UNC13C: variants seen among roughly 807,000 people sequenced by gnomAD.
UNC13C encodes the protein protein unc-13 homolog C.
UNC13C carries 174 observed loss-of-function variants against 245.4 expected under a neutral mutation model. That is an observed-to-expected ratio of 0.71 (90% CI 0.63 to 0.80). UNC13C has a LOEUF of 0.80. UNC13C is among the 30% of genes least tolerant of loss of function. UNC13C has a pLI of 0.00. For missense variants in UNC13C, 2,829 were observed against 2,602.9 expected, an observed-to-expected ratio of 1.09 and a Z score of -1.89; for synonymous variants, 992 against 895.1, an observed-to-expected ratio of 1.11 and a Z score of -1.93.
intron 19 of UNC13C, among the ~76,000 whole-genome samples, chr15:54,461,232 G>A (rs1891828279): frequency 6.6e-6 from 1 of 152,134 alleles, no homozygotes; most frequent in African/African-American, 2.4e-5. Context: ...AATCTGAAAT[G>A]TTCTCAAATT....
At chr15:54,123,753 G>T (rs1263545023) in intron 2 of UNC13C, among the ~76,000 whole-genome samples, 3 of 152,042 alleles carry the variant, frequency 2.0e-5, no homozygotes, top group Non-Finnish European at 4.4e-5. Context: ...TTTATCACAC[G>T]TGTAAATTGT....
intron 4 of UNC13C, among the ~76,000 whole-genome samples, chr15:54,200,305 T>C (rs1437018488): frequency 6.6e-6 from 1 of 152,050 alleles, no homozygotes; most frequent in Non-Finnish European, 1.5e-5. Context: ...AACAATGGAC[T>C]TAAACTATAC....
intron 8 of UNC13C, among the ~76,000 whole-genome samples, chr15:54,259,665 A>G (rs1189789819): frequency 6.6e-6 from 1 of 152,176 alleles, no homozygotes; most frequent in African/African-American, 2.4e-5. Context: ...AAGCATTGAT[A>G]GGTACTGTGC....
At chr15:54,209,098 T>C (rs561161458) in intron 4 of UNC13C, among the ~76,000 whole-genome samples, 33 of 152,246 alleles carry the variant, frequency 2.2e-4, no homozygotes, top group Non-Finnish European at 4.0e-4. Flanking sequence ...ACTAGTCTTT[T>C]AGGCCCTCTG....
At chr15:54,074,584 G>T (rs1259920976) in intron 2 of UNC13C, among the ~76,000 whole-genome samples, 1 of 152,144 alleles carries the variant, frequency 6.6e-6, no homozygotes, top group Non-Finnish European at 1.5e-5. Context: ...TCTCCTTGAA[G>T]AGGTCTTTCA....
intron 7 of UNC13C, among the ~76,000 whole-genome samples, chr15:54,240,567 A>G (rs1045816088): frequency 1.3e-5 from 2 of 152,212 alleles, no homozygotes; most frequent in Admixed American, 6.5e-5. Context: ...CTGATGCAGG[A>G]TGACAGTGGG....
chr15:54,191,709 A>T (rs2034189737), intron 4 of UNC13C, among the ~76,000 whole-genome samples: 1 of 152,120 alleles, frequency 6.6e-6, no homozygotes, highest in East Asian at 1.9e-4. Context: ...CCTCTCCAGC[A>T]TCTGTTGTTT....
chr15:54,065,426 TAATG>T (rs1395677655), intron 2 of UNC13C, among the ~76,000 whole-genome samples: 3 of 152,240 alleles, frequency 2.0e-5, no homozygotes, highest in Non-Finnish European at 4.4e-5. Context: ...TAGTTTTTGA[TAATG>T]AACCATGCTA....
Position 54,014,608 on chromosome 15 carries a change from T to G in UNC13C, c.1705T>G (p.Phe569Val). The change falls in exon 2 of 33, where the codon TTT becomes GTT. Residue 569 changes from phenylalanine (F) to valine (V), a missense_variant. By Grantham distance (50) the Phe-to-Val change is conservative. Coordinates refer to ENST00000260323, the MANE Select transcript of UNC13C (RefSeq NM_001080534.3). ...SYSEDFSENQ[F>V]FTRTNGSSLL... Reference sequence around the variant, plus strand: ...CTCAGAAGATTTTTCAGAAAATCAGTTTTTCACTAGAACTAATGGAAGCTC... The same window carrying G: ...CTCAGAAGATTTTTCAGAAAATCAGGTTTTCACTAGAACTAATGGAAGCTC... 6.2e-7 allele frequency: 1 copy of G among 1,613,676 alleles called. No individual in the cohort carries two copies. Among genetic ancestry groups the G allele is most frequent in the Non-Finnish European group, 8.5e-7 (1 of 1,179,790 alleles).
chr15:54,629,375 C>T (rs779698100), downstream of UNC13C: 21 of 151,994 alleles, frequency 1.4e-4, no homozygotes, highest in Non-Finnish European at 2.6e-4. Context: ...ACCAAAACCC[C>T]CGTGACACAC....
At chr15:54,369,303 G>A (rs113237417) in intron 17 of UNC13C, among the ~76,000 whole-genome samples, 7 of 152,024 alleles carry the variant, frequency 4.6e-5, no homozygotes, top group Admixed American at 2.0e-4. Context: ...AGGTTAATTC[G>A]TAGACTTTCT....
chr15:54,275,941 A>G (rs1425500668), intron 10 of UNC13C, among the ~76,000 whole-genome samples: 1 of 152,156 alleles, frequency 6.6e-6, no homozygotes, highest in Non-Finnish European at 1.5e-5. Context: ...ACTAGTTAAT[A>G]GTGAAAAGGA....
At chr15:53,922,068 T>G in the UNC13C span, among the ~76,000 whole-genome samples, 287 of 152,336 alleles carry the variant, frequency 1.9e-3, no homozygotes, top group Admixed American at 3.2e-3. Flanking sequence ...TTTGTAAGCA[T>G]AAGCATGTGT....
intron 29 of UNC13C, among the ~76,000 whole-genome samples, chr15:54,563,685 C>T (rs182696784): frequency 6.6e-6 from 1 of 152,118 alleles, no homozygotes; most frequent in African/African-American, 2.4e-5. Context: ...CAACAAAATG[C>T]CCATTATAAT....
chr15:54,109,564 A>T (rs1312803061), intron 2 of UNC13C, among the ~76,000 whole-genome samples: 1 of 151,740 alleles, frequency 6.6e-6, no homozygotes, highest in African/African-American at 2.4e-5. Flanking sequence ...CTGGCCTGGA[A>T]GTCCTGATCT....
the UNC13C span, among the ~76,000 whole-genome samples, chr15:53,858,015 C>T: frequency 1.3e-5 from 2 of 152,154 alleles, no homozygotes; most frequent in African/African-American, 2.4e-5. Context: ...TAATTTGGAA[C>T]ATGTTATTAA....
chr15:54,285,593 C>A (rs2037123644), intron 10 of UNC13C, among the ~76,000 whole-genome samples: 1 of 152,146 alleles, frequency 6.6e-6, no homozygotes, highest in South Asian at 2.1e-4. Context: ...GGCTGCTTTG[C>A]CTCGAGATGG....
chr15:54,142,607 G>T (rs1258824761), intron 2 of UNC13C, among the ~76,000 whole-genome samples: 1 of 152,144 alleles, frequency 6.6e-6, no homozygotes, highest in Non-Finnish European at 1.5e-5. Flanking sequence ...TATCAACAAT[G>T]TTGCGAGGCA....
upstream of UNC13C, among the ~76,000 whole-genome samples, chr15:53,976,477 C>CTTTTTTTTTTTTTTTTTTTTTTTTTT (rs10682648): frequency 1.9e-4 from 12 of 63,018 alleles, 1 homozygote; most frequent in Non-Finnish European, 2.8e-4. Flanking sequence ...CTCTCTCTCT[C>CTTTTTTTTTTTTTTTTTTTTTTTTTT]TTTTTTTTTT....
Sources: allele counts gnomAD v4.1 joint callset (sites outside exome capture counted in the v4.1 genomes callset), GRCh38; gene constraint gnomAD v4.1.1; transcripts MANE v1.5; gene names NCBI Gene and HGNC (gene_info 2026-07-23, HGNC 2026-07-21).